RHOBTB3: variants seen among roughly 807,000 people sequenced by gnomAD.
RHOBTB3 encodes the protein Rho related BTB domain containing 3.
Under a neutral mutation model 67.2 loss-of-function variants are expected in RHOBTB3, and 47 were observed. That is an observed-to-expected ratio of 0.70 (90% CI 0.55 to 0.89). The LOEUF is 0.89. RHOBTB3 is among the 40% of genes least tolerant of loss of function. RHOBTB3 has a pLI of 0.00. For missense variants in RHOBTB3, 631 were observed against 750.0 expected, an observed-to-expected ratio of 0.84 and a Z score of 1.85; for synonymous variants, 273 against 274.2, an observed-to-expected ratio of 1.00 and a Z score of 0.04.
chr5:95,731,661 C>T lies in RHOBTB3; in HGVS notation c.-22C>T. 1.2e-6 allele frequency: 2 copies of T among 1,613,252 alleles called. No homozygotes were observed. Among genetic ancestry groups the T allele is most frequent in the South Asian group, 1.1e-5 (1 of 90,920 alleles). ...GCCGCTGCTTTTCTCCGAGTCGCCG[C>T]CCTGCCCTTGGATTTGAGATCATGT... On this transcript the variant is annotated 5_prime_UTR_variant, in exon 1 of 12. Coordinates refer to ENST00000379982, the MANE Select transcript of RHOBTB3 (RefSeq NM_014899.4).
At chr5:95,731,147 G>A (rs1326814612), upstream of RHOBTB3, 13 of 1,016,178 alleles carry the variant, frequency 1.3e-5, no homozygotes, top group African/African-American at 1.7e-5. Flanking sequence ...GCGGCGCCCC[G>A]CGCGGGCGGC....
chr5:95,783,818 G>A lies in RHOBTB3; in HGVS notation c.1478G>A (p.Cys493Tyr). 6.2e-7 allele frequency: 1 copy of A among 1,610,520 alleles called. No homozygotes were observed. Among genetic ancestry groups the A allele is most frequent in the South Asian group, 1.1e-5 (1 of 90,628 alleles). The change falls in exon 10 of 12, where the codon TGT (cysteine) becomes TAT (tyrosine). Residue 493 changes from cysteine (C) to tyrosine (Y), a missense_variant. Cys to Tyr is a radical substitution (Grantham distance 194). Coordinates refer to ENST00000379982, the MANE Select transcript of RHOBTB3 (RefSeq NM_014899.4). ...CCPAGIFQAM[C>Y]LLICAEMYQV... ...TCAGCTGGCATATTCCAGGCCATGT[G>A]TCTCCTGATCTGTGCCGAGATGTAC...
chr5:95,739,888 GT>G (rs1302068840), intron 3 of RHOBTB3, among the ~76,000 whole-genome samples: 2 of 152,116 alleles, frequency 1.3e-5, no homozygotes, highest in Non-Finnish European at 2.9e-5. Flanking sequence ...CTTTTCTTAT[GT>G]TTTTTGGGTG....
At chr5:95,723,512 C>CT (rs1382896374) in intron 1 of RHOBTB3, among the ~76,000 whole-genome samples, 2 of 152,220 alleles carry the variant, frequency 1.3e-5, no homozygotes, top group Non-Finnish European at 2.9e-5. Flanking sequence ...CTTAGTTACT[C>CT]TCATGAAGTA....
intron 6 of RHOBTB3, 106 bp downstream of exon 6, chr5:95,755,867 T>A (rs1745230265): frequency 1.9e-6 from 2 of 1,041,654 alleles, no homozygotes; most frequent in South Asian, 3.2e-5. Context: ...GGTCTTTACC[T>A]ACCATCTGAG....
chr5:95,773,975 T>C (rs1297989892), intron 8 of RHOBTB3, among the ~76,000 whole-genome samples: 2 of 152,242 alleles, frequency 1.3e-5, no homozygotes, highest in African/African-American at 4.8e-5. Flanking sequence ...ATCTACTTCA[T>C]CTCCTTGAAT....
Position 95,755,330 on chromosome 5 carries a change from A to G in RHOBTB3, c.683-66A>G, listed in dbSNP as rs539955179. 86 of 1,133,430 alleles carry G rather than the reference A, an allele frequency of 7.6e-5. 1 individual carries two copies. In the African/African-American group the frequency reaches 1.2e-3, roughly 15 times the overall value. 70.2% of individuals were successfully genotyped at this position (1,133,430 alleles called of 1,614,324 possible). ...TATTATACAATTATATTTAAAGTAA[A>G]CATGAAATTGTTGGGTCTGTAAACC... On this transcript the variant is annotated intron_variant, in intron 5 of 11. Transcript: ENST00000379982.
intron 4 of RHOBTB3, among the ~76,000 whole-genome samples, chr5:95,750,513 G>A (rs1745058823): frequency 6.6e-6 from 1 of 152,190 alleles, no homozygotes; most frequent in South Asian, 2.1e-4. Context: ...GGCTACATGT[G>A]GCTAGTGGCT....
At chr5:95,774,333 C>T (rs1021560814) in intron 8 of RHOBTB3, among the ~76,000 whole-genome samples, 1 of 152,156 alleles carries the variant, frequency 6.6e-6, no homozygotes, top group African/African-American at 2.4e-5. Context: ...CAGTTTTCCT[C>T]TGCTTAGAAA....
intron 5 of RHOBTB3, among the ~76,000 whole-genome samples, chr5:95,753,207 G>T: frequency 6.7e-6 from 1 of 149,032 alleles, no homozygotes; most frequent in East Asian, 2.0e-4. Context: ...TTTCAGCTGT[G>T]TGTATGTGTG....
intron 8 of RHOBTB3, chr5:95,769,303 T>C (rs1745638842): frequency 2.1e-6 from 1 of 470,910 alleles, no homozygotes; most frequent in African/African-American, 2.0e-5. Flanking sequence ...CACTAAGATG[T>C]TGCCAGTAAC....
At chr5:95,780,687 A>C (rs1746022463) in intron 9 of RHOBTB3, among the ~76,000 whole-genome samples, 1 of 152,172 alleles carries the variant, frequency 6.6e-6, no homozygotes. Flanking sequence ...CAGCATGGGG[A>C]TCACTGTAGG....
chr5:95,784,826 G>A (rs1416784723), intron 10 of RHOBTB3, among the ~76,000 whole-genome samples: 1 of 152,086 alleles, frequency 6.6e-6, no homozygotes, highest in Non-Finnish European at 1.5e-5. Context: ...TCCTACCGTT[G>A]GCCATTCTGC....
chr5:95,760,210 A>G lies in RHOBTB3; in HGVS notation c.1049-3298A>G, dbSNP rs377755556. Among the ~76,000 whole-genome samples the G allele has an allele frequency of 2.1e-3, 325 of 152,382 alleles. 2 individuals carry two copies. The highest frequency in any genetic ancestry group is 7.4e-3 in the African/African-American group (307 of 41,594). Reference sequence around the variant, plus strand: ...AGTTTTCTATTGAATAACAACAAACACTGCATAATGTATAAGTACTTAACT... The same window carrying G: ...AGTTTTCTATTGAATAACAACAAACGCTGCATAATGTATAAGTACTTAACT... On this transcript the variant is annotated intron_variant, in intron 6 of 11. Coordinates refer to ENST00000379982, the MANE Select transcript of RHOBTB3 (RefSeq NM_014899.4).
At chr5:95,732,124 C>A in intron 2 of RHOBTB3, 40 bp downstream of exon 2, 1 of 1,582,002 alleles carries the variant, frequency 6.3e-7, no homozygotes, top group Non-Finnish European at 8.7e-7. Context: ...GCTGAAGAAG[C>A]TTTTCTTTCC....
At chr5:95,772,751 A>G (rs556294830) in intron 8 of RHOBTB3, among the ~76,000 whole-genome samples, 3 of 152,352 alleles carry the variant, frequency 2.0e-5, no homozygotes, top group Admixed American at 6.5e-5. Flanking sequence ...GCCTTTAATA[A>G]ATGGCTATTG....
Position 95,796,086 on chromosome 5 carries a change from G to T in RHOBTB3, c.*2912G>T, listed in dbSNP as rs1746553321. ...AGCCAGCATGGTGGCTTCATATTAA[G>T]TAGTAACAGAAGTCTGAACAATTGG... On this transcript the variant is annotated 3_prime_UTR_variant, in exon 12 of 12. Coordinates refer to ENST00000379982, the MANE Select transcript of RHOBTB3 (RefSeq NM_014899.4). The T allele has an allele frequency of 6.6e-6, 1 of 152,212 alleles. No homozygotes were observed. The highest frequency in any genetic ancestry group is 2.4e-5 in the African/African-American group (1 of 41,428). The allele number at this position is 152,212 out of a possible 1,614,324, so 9.4% of individuals were successfully genotyped here.
Position 95,755,583 on chromosome 5 carries a change from C to T in RHOBTB3, c.870C>T (p.Pro290=). 4 of 1,614,110 alleles carry T rather than the reference C, an allele frequency of 2.5e-6. No homozygotes were observed. Among genetic ancestry groups the T allele is most frequent in the Non-Finnish European group, 3.4e-6 (4 of 1,180,006 alleles). ...VFMLLFNVKS[P]TDIQDSSIIR... Reference sequence around the variant, plus strand: ...TGCTGCTTTTCAATGTGAAGAGTCCCACTGACATTCAGGATTCCAGTATCA... The same window carrying T: ...TGCTGCTTTTCAATGTGAAGAGTCCTACTGACATTCAGGATTCCAGTATCA... Residue 290 remains proline, a synonymous_variant, in exon 6 of 12, where the codon CCC becomes CCT. Coordinates refer to ENST00000379982, the MANE Select transcript of RHOBTB3 (RefSeq NM_014899.4).
rs1428774422 is a variant in RHOBTB3, at chr5:95,731,536, T to C, written c.-147T>C. Reference sequence around the variant, plus strand: ...GGCTGGCGCGGCCCCGGCCCCGCTCTGCGTCGGCCCCGCCGCGGTGGAGGC... The same window carrying C: ...GGCTGGCGCGGCCCCGGCCCCGCTCCGCGTCGGCCCCGCCGCGGTGGAGGC... On this transcript the variant is annotated 5_prime_UTR_variant, in exon 1 of 12. Coordinates refer to ENST00000379982, the MANE Select transcript of RHOBTB3 (RefSeq NM_014899.4). 5 of 1,385,218 alleles carry C rather than the reference T, an allele frequency of 3.6e-6. No homozygotes were observed. The highest frequency in any genetic ancestry group is 4.7e-6 in the Non-Finnish European group (5 of 1,073,022). 85.8% of individuals were successfully genotyped at this position (1,385,218 alleles called of 1,614,324 possible).
Sources: allele counts gnomAD v4.1 joint callset (sites outside exome capture counted in the v4.1 genomes callset), GRCh38; gene constraint gnomAD v4.1.1; transcripts MANE v1.5; gene names NCBI Gene and HGNC (gene_info 2026-07-23, HGNC 2026-07-21).